COBL: variants seen among roughly 807,000 people sequenced by gnomAD.
COBL encodes the protein cordon-bleu WH2 repeat protein.
Under a neutral mutation model 98.8 loss-of-function variants are expected in COBL, and 51 were observed. The observed-to-expected ratio is 0.52, with a 90% CI of 0.41 to 0.65. COBL has a LOEUF of 0.65. Ranked by LOEUF, COBL falls within the 30% of genes least tolerant of loss-of-function variation. COBL has a pLI of 0.00. For missense variants in COBL, 1,617 were observed against 1,617.5 expected, an observed-to-expected ratio of 1.00 and a Z score of 0.01; for synonymous variants, 634 against 651.7, an observed-to-expected ratio of 0.97 and a Z score of 0.41.
At chr7:51,171,217 A>C (rs1787842673) in intron 5 of COBL, among the ~76,000 whole-genome samples, 1 of 152,154 alleles carries the variant, frequency 6.6e-6, no homozygotes, top group South Asian at 2.1e-4. Flanking sequence ...TCCAGTGTGA[A>C]TGAGTAACAA....
At chr7:51,283,151 T>C (rs1327067955) in intron 1 of COBL, among the ~76,000 whole-genome samples, 2 of 152,050 alleles carry the variant, frequency 1.3e-5, no homozygotes, top group Non-Finnish European at 1.5e-5. Context: ...CCAAATCATA[T>C]ACAAGGAAAT....
In COBL at chr7:51,307,954, A is replaced by T. The variant is rs1802645859; in HGVS notation, c.41+8639T>A. 3.3e-5 allele frequency among the ~76,000 whole-genome samples: 5 copies of T among 152,222 alleles called. No individual in the cohort carries two copies. In the South Asian group the frequency reaches 1.0e-3, roughly 31 times the overall value. ...TGATGTTGTCAGAGCGCAGATAACC[A>T]TTATCACGTAATAAGTGGTTTAGGC... On this transcript the variant is annotated intron_variant, in intron 1 of 12. Transcript: ENST00000265136.
chr7:51,152,664 C>T (rs1002114161), intron 5 of COBL, among the ~76,000 whole-genome samples: 1 of 152,176 alleles, frequency 6.6e-6, no homozygotes, highest in African/African-American at 2.4e-5. Flanking sequence ...TTTTCTGTTG[C>T]TAAGAGTTGG....
intron 5 of COBL, among the ~76,000 whole-genome samples, chr7:51,159,521 G>A: frequency 6.6e-6 from 1 of 152,176 alleles, no homozygotes; most frequent in Non-Finnish European, 1.5e-5. Flanking sequence ...TGAGATTCTT[G>A]TTTTATACTT....
chr7:51,199,216 C>T (rs753750624), intron 2 of COBL, among the ~76,000 whole-genome samples: 1 of 152,164 alleles, frequency 6.6e-6, no homozygotes, highest in African/African-American at 2.4e-5. Context: ...TGACAGGTTC[C>T]CCAAGCTCAG....
At chr7:51,233,044 A>G (rs2129107254) in intron 1 of COBL, among the ~76,000 whole-genome samples, 1 of 152,362 alleles carries the variant, frequency 6.6e-6, no homozygotes, top group South Asian at 2.1e-4. Context: ...CACAAGAGGT[A>G]TAAGAGAAAA....
At chr7:51,234,002 G>T (rs748611129) in intron 1 of COBL, among the ~76,000 whole-genome samples, 4 of 152,172 alleles carry the variant, frequency 2.6e-5, no homozygotes, top group Non-Finnish European at 5.9e-5. Context: ...TATTTAGGAT[G>T]AATTATTCTA....
At chr7:51,258,658 A>G (rs934770345) in intron 1 of COBL, among the ~76,000 whole-genome samples, 1 of 152,208 alleles carries the variant, frequency 6.6e-6, no homozygotes, top group African/African-American at 2.4e-5. Flanking sequence ...ACATGCTTCT[A>G]CTGCATTGAA....
rs1215590903 is a variant in COBL at position 51,191,050 on chromosome 7, A to G, written c.485T>C (p.Leu162Pro). Residue 162 changes from leucine to proline, a missense_variant, in exon 4 of 13, where the codon CTG becomes CCG. By Grantham distance (98) the Leu-to-Pro change is moderately conservative. Transcript: ENST00000265136. ...ACGCACAACAGCTTTTTGTGTCCGC[A>G]GGTAATTCACGACCAAACGCACAGA... is the stretch of plus-strand genomic sequence containing the variant. The part of the protein sequence containing the change: ...EKSVRLVVNY[L>P]RTQKAVVRVS... The G allele has an allele frequency of 6.2e-7, 1 of 1,614,046 alleles. No homozygotes were observed. Among genetic ancestry groups the G allele is most frequent in the Non-Finnish European group, 8.5e-7 (1 of 1,180,046 alleles).
intron 1 of COBL, among the ~76,000 whole-genome samples, chr7:51,260,947 C>T (rs1473884119): frequency 2.6e-5 from 4 of 152,128 alleles, no homozygotes; most frequent in African/African-American, 9.7e-5. Context: ...TCCCCAAAAC[C>T]TTCTGAGGGC....
In COBL at chr7:51,219,876, T is replaced by C. The variant is rs1793460131; in HGVS notation, c.110A>G (p.Gln37Arg). 1.2e-6 allele frequency: 2 copies of C among 1,613,346 alleles called. No homozygotes were observed. Among genetic ancestry groups the C allele is most frequent in the Non-Finnish European group, 1.7e-6 (2 of 1,180,018 alleles). The stretch of plus-strand genomic sequence containing the variant: ...GAGGGCCCCATCGTGGGGGGGCTTC[T>C]GGTCACTGTGCACATGCAGAGTGGC... ...KAATLHVHSD[Q>R]KPPHDGALGS... The change falls in exon 2 of 13, where the codon CAG becomes CGG. Residue 37 changes from glutamine to arginine, a missense_variant. Physicochemically the swap from Gln to Arg is conservative, Grantham distance 43. Coordinates refer to ENST00000265136, the MANE Select transcript of COBL (RefSeq NM_015198.5).
rs1239763947 is a variant in COBL, at chr7:51,018,903, AAAATATATATATATATATATATATATAT to A, written c.3769-1363_3769-1336del. On this transcript the variant is annotated intron_variant, in intron 12 of 12. Transcript: ENST00000265136. ...AGAAACTCCATCTCAAAAAAAAAAA[AAAATATATATATATATATATATATATAT>A]ATATATATATATATATATATATGAT... 2.3e-4 allele frequency among the ~76,000 whole-genome samples: 13 copies of A among 57,212 alleles called. 2 individuals are homozygous for A. The highest frequency in any genetic ancestry group is 4.3e-4 in the Non-Finnish European group (13 of 30,014). The allele number at this position is 57,212 out of a possible 152,430, so 37.5% of individuals were successfully genotyped here. A position where few individuals can be genotyped will look rare whatever the true frequency, so the allele number is the denominator to read the frequency against.
At chr7:51,074,262 C>G (rs369636370) in intron 7 of COBL, among the ~76,000 whole-genome samples, 1 of 132,448 alleles carries the variant, frequency 7.6e-6, no homozygotes, top group South Asian at 2.4e-4. Context: ...GTGGCGCGAT[C>G]TCGGCTCACT....
At chr7:51,190,021 C>G (rs1030488660) in intron 4 of COBL, among the ~76,000 whole-genome samples, 4 of 152,170 alleles carry the variant, frequency 2.6e-5, no homozygotes, top group Non-Finnish European at 4.4e-5. Context: ...GATGAGCAAG[C>G]AGGATGACAC....
chr7:51,245,640 T>C (rs1796220195), intron 1 of COBL, among the ~76,000 whole-genome samples: 1 of 152,226 alleles, frequency 6.6e-6, no homozygotes, highest in East Asian at 1.9e-4. Context: ...TATCAGGACC[T>C]ACCATTTACA....
rs145365260 is a variant in COBL, at chr7:51,139,018, T to C, written c.784-2687A>G. On this transcript the variant is annotated intron_variant, in intron 5 of 12. Coordinates refer to ENST00000265136, the MANE Select transcript of COBL (RefSeq NM_015198.5). ...GCACTTAAGGAAGGTCTGTGCAGAA[T>C]ACTCCCTTAAAAGAACTTTACAGCC... is the stretch of plus-strand genomic sequence containing the variant. Among the ~76,000 whole-genome samples, 998 of 152,350 alleles carry C rather than the reference T, an allele frequency of 6.6e-3. 6 individuals are homozygous for C. The highest frequency in any genetic ancestry group is 0.011 in the Non-Finnish European group (754 of 68,034).
intron 1 of COBL, among the ~76,000 whole-genome samples, chr7:51,258,468 C>A (rs1160295173): frequency 6.6e-6 from 1 of 152,176 alleles, no homozygotes; most frequent in African/African-American, 2.4e-5. Context: ...TCAGACGAGG[C>A]GGCAGCCAAT....
rs1334785280 is a variant in COBL at position 51,025,002 on chromosome 7, A to G, written c.3768+107T>C. 8 of 1,485,068 alleles carry G rather than the reference A, an allele frequency of 5.4e-6. No individual in the cohort carries two copies. In the East Asian group the frequency reaches 1.6e-4, roughly 29 times the overall value. The allele number at this position is 1,485,068 out of a possible 1,614,324, so 92.0% of individuals were successfully genotyped here. ...GCCGGCTCTCTCTCAACCCACTCCC[A>G]TGTGACCGCCTCGCAGCTCCTGCCC... On this transcript the variant is annotated intron_variant, in intron 12 of 12. Coordinates refer to ENST00000265136, the MANE Select transcript of COBL (RefSeq NM_015198.5).
At chr7:51,083,069 G>A (rs1356311044) in intron 7 of COBL, 7 of 1,536,048 alleles carry the variant, frequency 4.6e-6, no homozygotes, top group East Asian at 2.4e-5. Flanking sequence ...TTTGGGTATC[G>A]GGTCTGAGGC....
Sources: gnomAD v4.1 joint callset for allele counts (sites outside exome capture counted in the v4.1 genomes callset) on GRCh38, gnomAD v4.1.1 for gene constraint, MANE v1.5 for transcripts, NCBI Gene and HGNC (gene_info 2026-07-23, HGNC 2026-07-21) for gene names.